Variants in MAGI2 observed in about 807,000 individuals in gnomAD.
MAGI2 encodes membrane-associated guanylate kinase, WW and PDZ domain-containing protein 2.
Under a neutral mutation model 133.3 loss-of-function variants are expected in MAGI2, and 35 were observed. That is an observed-to-expected ratio of 0.26 (90% confidence interval 0.20 to 0.35). MAGI2 has a LOEUF of 0.35. Ranked by LOEUF, MAGI2 falls within the 10% of genes least tolerant of loss-of-function variation. MAGI2 has a pLI of 1.00. For missense variants in MAGI2, 1,636 were observed against 1,863.4 expected (o/e 0.88, Z 2.25); for synonymous variants, 729 against 710.6 (o/e 1.03, Z -0.41).
At chr7:78,256,724 T>G in intron 9 of MAGI2, 143 bp from the exon 10 acceptor site, 1 of 683,598 alleles carries the variant, frequency 1.5e-6, no homozygotes, top group Non-Finnish European at 2.4e-6. Flanking sequence ...TTAAAATCAC[T>G]GTGGGTGACT....
At position 78,873,969 on chromosome 7, in the gene MAGI2, A is replaced by T. The variant is rs551870747; in HGVS notation, c.418+133121T>A. Among the ~76,000 whole-genome samples, 67 of 152,362 alleles carry T rather than the reference A, an allele frequency of 4.4e-4. No homozygotes were observed. The South Asian group carries it at 4.8e-3, about 11-fold the overall frequency. On this transcript the variant is annotated intron_variant, in intron 2 of 21. Transcript: ENST00000354212. ...AATCACTACCTACTAGAAAAACCCA[A>T]GAATAAATTGAAAATCAATTACAAT...
intron 2 of MAGI2, among the ~76,000 whole-genome samples, chr7:78,742,120 CAAAAT>C (rs1424910125): frequency 3.3e-5 from 5 of 151,598 alleles, no homozygotes; most frequent in Non-Finnish European, 1.5e-5. Context: ...ACATAGTGCT[CAAAAT>C]AAAGAATGAA....
chr7:78,373,961 G>A (rs1794189852), intron 6 of MAGI2, among the ~76,000 whole-genome samples: 1 of 152,110 alleles, frequency 6.6e-6, no homozygotes, highest in African/African-American at 2.4e-5. Context: ...AGTATTCCAT[G>A]GTGCATATAT....
At chr7:78,372,278 A>G (rs1793996195) in intron 6 of MAGI2, among the ~76,000 whole-genome samples, 1 of 152,174 alleles carries the variant, frequency 6.6e-6, no homozygotes, top group African/African-American at 2.4e-5. Flanking sequence ...ACACATCTAG[A>G]TGATGAAAAA....
intron 1 of MAGI2, among the ~76,000 whole-genome samples, chr7:79,198,133 G>T (rs902776388): frequency 6.6e-6 from 1 of 151,820 alleles, no homozygotes; most frequent in Non-Finnish European, 1.5e-5. Context: ...CATGCTTCTG[G>T]TTCCAGCTAC....
intron 1 of MAGI2, among the ~76,000 whole-genome samples, chr7:79,443,285 C>CGTGTGT (rs10600873): frequency 0.012 from 1,649 of 139,392 alleles, 11 homozygotes; most frequent in East Asian, 0.036. Flanking sequence ...TGTGTGTGTG[C>CGTGTGT]GTGTGTGTGT....
chr7:78,855,482 C>T (rs1793554094), intron 2 of MAGI2, among the ~76,000 whole-genome samples: 1 of 152,116 alleles, frequency 6.6e-6, no homozygotes, highest in Non-Finnish European at 1.5e-5. Context: ...ACAATTCCCA[C>T]TTATGAGTGA....
intron 10 of MAGI2, among the ~76,000 whole-genome samples, chr7:78,202,013 A>C (rs1221249645): frequency 6.6e-6 from 1 of 152,220 alleles, no homozygotes; most frequent in Non-Finnish European, 1.5e-5. Flanking sequence ...CTTAAAATAG[A>C]GGGAGAGGGC....
At chr7:78,432,236 TC>T (rs1799865038) in intron 6 of MAGI2, among the ~76,000 whole-genome samples, 1 of 151,638 alleles carries the variant, frequency 6.6e-6, no homozygotes, top group East Asian at 1.9e-4. Flanking sequence ...AACTAGCTTT[TC>T]TTTTTGCCAA....
chr7:78,398,671 GGTA>G (rs1796579014), intron 6 of MAGI2, among the ~76,000 whole-genome samples: 1 of 151,678 alleles, frequency 6.6e-6, no homozygotes, highest in Non-Finnish European at 1.5e-5. Flanking sequence ...TAGTAAGAAA[GGTA>G]GGGCCCCAAC....
At chr7:78,482,270 G>C (rs553977478) in intron 6 of MAGI2, among the ~76,000 whole-genome samples, 46 of 151,942 alleles carry the variant, frequency 3.0e-4, no homozygotes, top group Non-Finnish European at 6.2e-4. Context: ...CAAGGATGCA[G>C]AGGAATTGGA....
chr7:79,186,114 C>T (rs1438226718), intron 1 of MAGI2, among the ~76,000 whole-genome samples: 1 of 150,058 alleles, frequency 6.7e-6, no homozygotes, highest in Non-Finnish European at 1.5e-5. Flanking sequence ...CAAAGACCAA[C>T]ATAAATGCAT....
At chr7:78,190,840 T>C (rs1473543148) in intron 12 of MAGI2, among the ~76,000 whole-genome samples, 2 of 152,200 alleles carry the variant, frequency 1.3e-5, no homozygotes, top group Non-Finnish European at 2.9e-5. Flanking sequence ...AAGTCCTTCC[T>C]TTATGAGATT....
intron 21 of MAGI2, among the ~76,000 whole-genome samples, chr7:78,029,131 G>T (rs1809289045): frequency 6.6e-6 from 1 of 152,144 alleles, no homozygotes; most frequent in Admixed American, 6.5e-5. Flanking sequence ...ACATGAAAAT[G>T]ATCAAGGTCT....
At chr7:78,944,707 C>CTATT (rs56177719) in intron 2 of MAGI2, among the ~76,000 whole-genome samples, 22,620 of 147,400 alleles carry the variant, frequency 0.15, 1,893 homozygotes, top group Admixed American at 0.24. Flanking sequence ...AAATAGACTA[C>CTATT]TATTTATTTA....
intron 1 of MAGI2, among the ~76,000 whole-genome samples, chr7:79,181,657 C>T (rs979227380): frequency 1.3e-5 from 2 of 152,004 alleles, no homozygotes; most frequent in Non-Finnish European, 2.9e-5. Flanking sequence ...ATTACTTATG[C>T]AAATTTCTGT....
intron 9 of MAGI2, among the ~76,000 whole-genome samples, chr7:78,264,128 A>G (rs1004888860): frequency 1.3e-5 from 2 of 152,142 alleles, no homozygotes; most frequent in Non-Finnish European, 2.9e-5. Flanking sequence ...ATTGACTACC[A>G]TTTTAATATA....
chr7:78,231,967 C>A (rs1322876025), intron 10 of MAGI2, among the ~76,000 whole-genome samples: 3 of 151,744 alleles, frequency 2.0e-5, no homozygotes, highest in Non-Finnish European at 4.4e-5. Context: ...CCAAAATGAC[C>A]CTGGGTAGTT....
chr7:78,020,005 G>C, intron 21 of MAGI2, 29 bp from the exon 22 acceptor site: 1 of 1,569,630 alleles, frequency 6.4e-7, no homozygotes, highest in Non-Finnish European at 8.6e-7. Context: ...GGCGTTAGCA[G>C]TGGCGCACGC....
Sources: gnomAD v4.1 joint callset for allele counts (sites outside exome capture counted in the v4.1 genomes callset) on GRCh38, gnomAD v4.1.1 for gene constraint, MANE v1.5 for transcripts, NCBI Gene and HGNC (gene_info 2026-07-23, HGNC 2026-07-21) for gene names.